Variants in DLGAP4 observed in about 807,000 individuals in gnomAD.
DLGAP4 encodes the protein disks large-associated protein 4.
DLGAP4 carries 18 observed loss-of-function variants against 86.9 expected under a neutral mutation model. The observed-to-expected ratio is 0.21, with a 90% CI of 0.14 to 0.31. The LOEUF is 0.31. Among genes scored for constraint, DLGAP4 ranks in the 10% least tolerant of loss-of-function variants. The probability of loss-of-function intolerance (pLI) is 1.00; values close to 1 mark genes in which losing one functional copy is unlikely to be tolerated. For synonymous variants in DLGAP4, 548 were observed against 574.3 expected (o/e 0.95, Z 0.65); for missense variants, 1,085 against 1,362.6 (o/e 0.80, Z 3.21).
intron 1 of DLGAP4, among the ~76,000 whole-genome samples, chr20:36,341,622 C>T (rs371092054): frequency 2.0e-5 from 3 of 152,238 alleles, no homozygotes; most frequent in East Asian, 3.9e-4. Context: ...GGGCACGCGG[C>T]TCCCGCGGGG....
intron 2 of DLGAP4, among the ~76,000 whole-genome samples, chr20:36,374,073 G>C (rs1206497567): frequency 1.3e-5 from 2 of 150,302 alleles, no homozygotes; most frequent in Non-Finnish European, 3.0e-5. Flanking sequence ...AAGGAGTCTT[G>C]AACCCAGATC....
chr20:36,385,391 G>T (rs1474801874), intron 2 of DLGAP4, among the ~76,000 whole-genome samples: 1 of 152,142 alleles, frequency 6.6e-6, no homozygotes, highest in Non-Finnish European at 1.5e-5. Flanking sequence ...GGTTGAAAAG[G>T]GCTGGCAGGT....
intron 1 of DLGAP4, among the ~76,000 whole-genome samples, chr20:36,327,752 C>T (rs1332858950): frequency 3.4e-5 from 5 of 148,698 alleles, no homozygotes; most frequent in Non-Finnish European, 3.0e-5. Context: ...CCACTACGCC[C>T]GGCTAATTTT....
intron 7 of DLGAP4, among the ~76,000 whole-genome samples, chr20:36,486,906 C>T (rs1236702794): frequency 6.7e-6 from 1 of 148,698 alleles, no homozygotes; most frequent in African/African-American, 2.5e-5. Flanking sequence ...GCCACCTCAC[C>T]CGGCCTGGAA....
intron 2 of DLGAP4, among the ~76,000 whole-genome samples, chr20:36,397,557 G>T (rs1221610941): frequency 6.6e-6 from 1 of 151,708 alleles, no homozygotes; most frequent in Admixed American, 6.6e-5. Context: ...TTTTCAGTTT[G>T]TTTTTTTCTT....
chr20:36,434,500 C>T (rs1036636695), intron 3 of DLGAP4, among the ~76,000 whole-genome samples: 7 of 152,140 alleles, frequency 4.6e-5, no homozygotes, highest in East Asian at 1.9e-4. Context: ...GTAACAATGC[C>T]GCAGAAACAC....
intron 7 of DLGAP4, chr20:36,461,533 C>A (rs1407043922): frequency 1.0e-6 from 1 of 976,344 alleles, no homozygotes; most frequent in Non-Finnish European, 1.2e-6. Context: ...CGCTGGCCGC[C>A]GCCGCCGCCG....
At chr20:36,366,024 A>G (rs2030676034) in intron 1 of DLGAP4, among the ~76,000 whole-genome samples, 1 of 152,198 alleles carries the variant, frequency 6.6e-6, no homozygotes, top group Non-Finnish European at 1.5e-5. Flanking sequence ...TGAGGCCTCC[A>G]GGGCAGCCAA....
intron 1 of DLGAP4, among the ~76,000 whole-genome samples, chr20:36,364,249 A>G (rs1326943141): frequency 7.9e-5 from 12 of 152,104 alleles, no homozygotes; most frequent in African/African-American, 2.9e-4. Context: ...CCATCTCTAC[A>G]AAAGTTAAAA....
At chr20:36,508,344 G>GTTC (rs2147801455) in intron 10 of DLGAP4, 1 of 151,148 alleles carries the variant, frequency 6.6e-6, no homozygotes, top group South Asian at 2.1e-4. Flanking sequence ...GATACATAGA[G>GTTC]ATCTAGTTCA....
intron 7 of DLGAP4, among the ~76,000 whole-genome samples, chr20:36,467,071 C>G (rs558979407): frequency 7.5e-5 from 10 of 133,178 alleles, no homozygotes; most frequent in Admixed American, 2.3e-4. Context: ...TCTCCCCCCC[C>G]CTTCTCTCGG....
rs1324615985 is a variant in DLGAP4 at position 36,525,862 on chromosome 20, C to T, written c.2616C>T (p.Ala872=). The change falls in exon 12 of 13, where the codon GCC becomes GCT. Residue 872 remains alanine (A), a synonymous_variant. Transcript: ENST00000339266. ...GLCEQNLNPD[A]NPRPTAQDLA... is the part of the protein sequence containing the mutation. ...CATCTGGCCCACAGAACCCTGATGCCAACCCACGCCCCACAGCCCAGGACC... is the reference window on the plus strand; with the variant it reads ...CATCTGGCCCACAGAACCCTGATGCTAACCCACGCCCCACAGCCCAGGACC... The T allele has an allele frequency of 6.2e-7, 1 of 1,613,510 alleles. No individual in the cohort carries two copies. Among genetic ancestry groups the T allele is most frequent in the Non-Finnish European group, 8.5e-7 (1 of 1,179,980 alleles).
chr20:36,525,299 C>T (rs1246982223), intron 11 of DLGAP4, among the ~76,000 whole-genome samples: 3 of 146,432 alleles, frequency 2.0e-5, no homozygotes, highest in Non-Finnish European at 4.5e-5. Flanking sequence ...CTTTCTCCCT[C>T]CCTCTTACCT....
chr20:36,398,383 G>A (rs1182066020), intron 2 of DLGAP4, among the ~76,000 whole-genome samples: 2 of 152,198 alleles, frequency 1.3e-5, no homozygotes, highest in African/African-American at 4.8e-5. Flanking sequence ...ATGGGCAAAG[G>A]CATGGAGGTA....
At chr20:36,403,034 G>A (rs1485517586) in intron 2 of DLGAP4, among the ~76,000 whole-genome samples, 2 of 152,192 alleles carry the variant, frequency 1.3e-5, no homozygotes, top group Admixed American at 1.3e-4. Flanking sequence ...AAAGAGGGGT[G>A]GATTTGCCCA....
chr20:36,316,449 T>C (rs1467420337), intron 1 of DLGAP4, among the ~76,000 whole-genome samples: 1 of 152,118 alleles, frequency 6.6e-6, no homozygotes, highest in Non-Finnish European at 1.5e-5. Flanking sequence ...CCCCACAGTC[T>C]TTGCTTGGTA....
intron 1 of DLGAP4, among the ~76,000 whole-genome samples, chr20:36,364,518 C>T (rs1183767162): frequency 6.6e-6 from 1 of 152,088 alleles, no homozygotes; most frequent in Non-Finnish European, 1.5e-5. Context: ...TTTTCATTAC[C>T]TCCAAAAAGA....
intron 1 of DLGAP4, among the ~76,000 whole-genome samples, chr20:36,347,649 C>A (rs1385079573): frequency 6.6e-6 from 1 of 151,414 alleles, no homozygotes; most frequent in African/African-American, 2.4e-5. Context: ...CATAGCAAGA[C>A]CCCGTCTCCA....
At chr20:36,422,757 G>T (rs1406116401) in intron 2 of DLGAP4, among the ~76,000 whole-genome samples, 3 of 152,206 alleles carry the variant, frequency 2.0e-5, no homozygotes, top group Non-Finnish European at 4.4e-5. Flanking sequence ...AGGCACCATG[G>T]AGCAGGGAGG....
Sources: gnomAD v4.1 joint callset for allele counts (sites outside exome capture counted in the v4.1 genomes callset) on GRCh38, gnomAD v4.1.1 for gene constraint, MANE v1.5 for transcripts, NCBI Gene and HGNC (gene_info 2026-07-23, HGNC 2026-07-21) for gene names.